The following NEDD9 variants were observed in gnomAD, a reference collection of about 807,000 sequenced individuals.
NEDD9 encodes neural precursor cell expressed, developmentally down-regulated 9.
Under a neutral mutation model 76.6 loss-of-function variants are expected in NEDD9, and 26 were observed. The ratio of observed to expected loss-of-function variants is 0.34; its 90% confidence interval spans 0.25 to 0.47. The LOEUF is 0.47. Among genes scored for constraint, NEDD9 ranks in the 20% least tolerant of loss-of-function variants. The pLI, the probability that NEDD9 is intolerant of heterozygous loss-of-function variation, is 1.00. For missense variants in NEDD9, 937 were observed against 1,058.5 expected (o/e 0.89, Z 1.59); for synonymous variants, 392 against 414.2 (o/e 0.95, Z 0.65).
intron 3 of NEDD9, among the ~76,000 whole-genome samples, chr6:11,246,716 C>T (rs1311433880): frequency 2.0e-5 from 3 of 152,190 alleles, no homozygotes; most frequent in Non-Finnish European, 4.4e-5. Flanking sequence ...GGAAACTCTC[C>T]CTCTCCCTTG....
At position 11,332,452 on chromosome 6, in the gene NEDD9, A is replaced by G. The variant is rs1762061851; in HGVS notation, c.-153+2049T>C. ...TTCCTTGCTAGGATGTACCACTCTCATCTCTCGCCTCACATTGCGCTACGT... is the reference window on the plus strand; with the variant it reads ...TTCCTTGCTAGGATGTACCACTCTCGTCTCTCGCCTCACATTGCGCTACGT... On this transcript the variant is annotated intron_variant, in intron 2 of 3. Transcript: ENST00000397378. 1.3e-5 allele frequency among the ~76,000 whole-genome samples: 2 copies of G among 152,196 alleles called. 1 individual carries two copies. Among genetic ancestry groups the G allele is most frequent in the Admixed American group, 1.3e-4 (2 of 15,278 alleles).
intron 1 of NEDD9, among the ~76,000 whole-genome samples, chr6:11,377,880 C>G (rs1467901408): frequency 6.6e-6 from 1 of 152,066 alleles, no homozygotes; most frequent in East Asian, 1.9e-4. Flanking sequence ...GCGGGTGGAT[C>G]CCTTATGAAT....
chr6:11,311,468 C>A (rs759515613), intron 2 of NEDD9, among the ~76,000 whole-genome samples: 2 of 152,164 alleles, frequency 1.3e-5, no homozygotes, highest in African/African-American at 4.8e-5. Flanking sequence ...TCTGTTTAAG[C>A]CCTGCAGTCT....
chr6:11,237,181 C>T (rs1759621164), upstream of NEDD9, among the ~76,000 whole-genome samples: 1 of 152,140 alleles, frequency 6.6e-6, no homozygotes, highest in African/African-American at 2.4e-5. The surrounding 1 kb of genome is among the most constrained non-coding windows in gnomAD (Gnocchi z 4.9). Context: ...GAACACGGCC[C>T]TATTATAAGG....
rs115592044 is a variant in NEDD9, at chr6:11,256,472, A to T, written c.13-42745T>A. On this transcript the variant is annotated intron_variant, in intron 3 of 3. Transcript: ENST00000397378. ...AGCGTAGGTGGTATCTCTTTCACAG[A>T]ATTTATTAGTATTTAATTTTTATTT... Among the ~76,000 whole-genome samples, 625 of 152,226 alleles carry T rather than the reference A, an allele frequency of 4.1e-3. 7 individuals carry two copies. Among genetic ancestry groups the T allele is most frequent in the African/African-American group, 0.014 (598 of 41,548 alleles).
intron 3 of NEDD9, among the ~76,000 whole-genome samples, chr6:11,281,784 C>T (rs997268993): frequency 6.6e-6 from 1 of 152,134 alleles, no homozygotes; most frequent in Admixed American, 6.5e-5. Context: ...GACAGACTCT[C>T]GCTCTGTCAC....
intron 1 of NEDD9, among the ~76,000 whole-genome samples, chr6:11,377,803 C>T (rs1483833190): frequency 1.3e-5 from 2 of 152,132 alleles, no homozygotes; most frequent in Non-Finnish European, 2.9e-5. Flanking sequence ...TTTGTCCCCT[C>T]CAAGTCTCAT....
exon 1 of NEDD9, chr6:11,382,165 GATC>G (rs1266999308): frequency 1.3e-5 from 2 of 152,222 alleles, no homozygotes; most frequent in Non-Finnish European, 2.9e-5. Flanking sequence ...ACCGCTGGTG[GATC>G]ATCTTGCCTC....
chr6:11,323,971 A>T (rs1303248836), intron 2 of NEDD9, among the ~76,000 whole-genome samples: 1 of 152,268 alleles, frequency 6.6e-6, no homozygotes, highest in South Asian at 2.1e-4. Flanking sequence ...CTCCTAGAAG[A>T]TGTCTTGTTT....
In NEDD9 at chr6:11,190,290, C is replaced by T. The variant is rs746264936; in HGVS notation, c.1579G>A (p.Asp527Asn). Reference protein sequence around the residue: ...AINKPQNKCDDLDRFVMVAKT... With the variant: ...AINKPQNKCDNLDRFVMVAKT... Reference sequence around the variant, plus strand: ...GCCACCATCACAAACCGGTCCAGATCGTCACACTTGTTCTGGGGCTTGTTG... The same window carrying T: ...GCCACCATCACAAACCGGTCCAGATTGTCACACTTGTTCTGGGGCTTGTTG... Residue 527 changes from aspartate (D) to asparagine (N), a missense_variant, in exon 5 of 7, where the codon GAT becomes AAT. By Grantham distance (23) the Asp-to-Asn change is conservative (BLOSUM62 1). Coordinates refer to ENST00000379446, the MANE Select transcript of NEDD9 (RefSeq NM_006403.4). The surrounding 1 kb of genome is among the most constrained non-coding windows in gnomAD (Gnocchi z 5.8). The T allele has an allele frequency of 8.7e-6, 14 of 1,614,122 alleles. No homozygotes were observed. Among genetic ancestry groups the T allele is most frequent in the African/African-American group, 1.3e-5 (1 of 74,936 alleles).
intron 1 of NEDD9, among the ~76,000 whole-genome samples, chr6:11,363,372 G>A (rs537146476): frequency 1.3e-5 from 2 of 152,024 alleles, no homozygotes; most frequent in South Asian, 2.1e-4. Context: ...TTTCAATTAC[G>A]GCGAGATGAT....
At chr6:11,280,934 G>T (rs1760523740) in intron 3 of NEDD9, among the ~76,000 whole-genome samples, 1 of 152,220 alleles carries the variant, frequency 6.6e-6, no homozygotes, top group Non-Finnish European at 1.5e-5. Context: ...AATACAAGAA[G>T]TCATGGGGAT....
intron 3 of NEDD9, among the ~76,000 whole-genome samples, chr6:11,297,127 G>GTTTTTT (rs1211636654): frequency 8.2e-6 from 1 of 121,312 alleles, no homozygotes. Context: ...AGTTTAATTT[G>GTTTTTT]TTTTGTTTTT....
intron 2 of NEDD9, among the ~76,000 whole-genome samples, chr6:11,316,950 A>G (rs1028397234): frequency 6.6e-6 from 1 of 152,222 alleles, no homozygotes; most frequent in Non-Finnish European, 1.5e-5. Context: ...GGTGAATTTG[A>G]ATGCGGCATG....
At chr6:11,372,824 C>G (rs1259653428) in intron 1 of NEDD9, among the ~76,000 whole-genome samples, 2 of 152,172 alleles carry the variant, frequency 1.3e-5, no homozygotes, top group Non-Finnish European at 2.9e-5. Context: ...GATATTCTTT[C>G]AGGGCATAAA....
intron 2 of NEDD9, among the ~76,000 whole-genome samples, chr6:11,202,789 T>A (rs527310054): frequency 5.7e-4 from 87 of 152,246 alleles, no homozygotes; most frequent in Non-Finnish European, 1.1e-3. Flanking sequence ...TCCCCATGTA[T>A]TTTTGAAGGT....
Position 11,189,663 on chromosome 6 carries a change from G to A in NEDD9, c.1905+301C>T, listed in dbSNP as rs939574274. ...TCCTCTTACCTGAGGTATATCAACG[G>A]GATCTAATCCAACCCCTTACCCCAT... On this transcript the variant is annotated intron_variant, in intron 5 of 6. Coordinates refer to ENST00000379446, the MANE Select transcript of NEDD9 (RefSeq NM_006403.4). 4.6e-5 allele frequency among the ~76,000 whole-genome samples: 7 copies of A among 152,040 alleles called. No individual in the cohort carries two copies. In the South Asian group the frequency reaches 1.5e-3, roughly 32 times the overall value.
intron 1 of NEDD9, 151 bp downstream of exon 1, chr6:11,232,353 C>T (rs1037369600): frequency 4.4e-5 from 39 of 891,528 alleles, no homozygotes; most frequent in Admixed American, 3.2e-4. Flanking sequence ...GCTTGCTTGT[C>T]TGCTTGCATG....
intron 1 of NEDD9, among the ~76,000 whole-genome samples, chr6:11,335,962 T>TTTACTTCAAG (rs199528556): frequency 0.035 from 5,272 of 152,254 alleles, 210 homozygotes; most frequent in African/African-American, 0.096. Context: ...CAGAAGCTCG[T>TTTACTTCAAG]CTGCACTTGA....
Sources: gnomAD v4.1 joint callset for allele counts (sites outside exome capture counted in the v4.1 genomes callset) on GRCh38, gnomAD v4.1.1 for gene constraint, Gnocchi (gnomAD v3.1) non-coding constraint, MANE v1.5 for transcripts, NCBI Gene and HGNC (gene_info 2026-07-23, HGNC 2026-07-21) for gene names.